ZNF236: variants seen among roughly 807,000 people sequenced by gnomAD.
ZNF236 encodes zinc finger protein 236.
ZNF236 carries 50 observed loss-of-function variants against 191.2 expected under a neutral mutation model. The observed-to-expected ratio is 0.26, with a 90% confidence interval of 0.21 to 0.33. The LOEUF is 0.33. ZNF236 is among the 10% of genes least tolerant of loss of function. ZNF236 has a pLI of 1.00. For missense variants in ZNF236, 1,754 were observed against 2,374.5 expected (o/e 0.74, Z 5.43); for synonymous variants, 907 against 928.8 (o/e 0.98, Z 0.43).
chr18:76,948,972 G>A (rs1226101012), intron 27 of ZNF236, among the ~76,000 whole-genome samples: 1 of 152,188 alleles, frequency 6.6e-6, no homozygotes, highest in Non-Finnish European at 1.5e-5. Flanking sequence ...ATGTTCCAGG[G>A]GCTTATGGGT....
rs9961872 is a variant in ZNF236, at chr18:76,947,538, G to A, written c.4800G>A (p.Ala1600=). 0.026 allele frequency: 42,668 copies of A among 1,613,596 alleles called. 958 individuals are homozygous for A. Among genetic ancestry groups the A allele is most frequent in the African/African-American group, 0.11 (8,543 of 74,908 alleles). Residue 1600 remains alanine (A), a synonymous_variant, in exon 27 of 31, where the codon GCG becomes GCA. Transcript: ENST00000320610. ...NITSQGQQFP[A]LLTDPSLSGQ... ...TTTGCCAGGGTCAGCAGTTCCCAGCGCTCCTCACGGATCCCTCTCTCTCGG... is the reference window on the plus strand; with the variant it reads ...TTTGCCAGGGTCAGCAGTTCCCAGCACTCCTCACGGATCCCTCTCTCTCGG...
chr18:76,929,065 G>C (rs557118567), intron 25 of ZNF236, among the ~76,000 whole-genome samples: 2 of 148,622 alleles, frequency 1.3e-5, no homozygotes, highest in African/African-American at 2.5e-5. Context: ...CAGCATTCTA[G>C]ATGGACTCAA....
At chr18:76,830,062 G>C (rs1320559371) in intron 1 of ZNF236, among the ~76,000 whole-genome samples, 1 of 152,052 alleles carries the variant, frequency 6.6e-6, no homozygotes, top group African/African-American at 2.4e-5. Flanking sequence ...GTAGAGATGG[G>C]GGTTCACCAT....
At chr18:76,902,199 T>C (rs977094635) in intron 11 of ZNF236, among the ~76,000 whole-genome samples, 3 of 152,190 alleles carry the variant, frequency 2.0e-5, no homozygotes, top group African/African-American at 7.2e-5. Flanking sequence ...TTGTAAAATA[T>C]TGTAACTATG....
intron 9 of ZNF236, among the ~76,000 whole-genome samples, chr18:76,884,379 C>T (rs1050675431): frequency 2.0e-5 from 3 of 147,786 alleles, no homozygotes; most frequent in East Asian, 2.0e-4. Context: ...CCAGCCCCGG[C>T]GACAGTGTGA....
At chr18:76,905,464 T>C in intron 13 of ZNF236, 49 bp downstream of exon 13, 1 of 1,584,076 alleles carries the variant, frequency 6.3e-7, no homozygotes, top group Non-Finnish European at 8.6e-7. Flanking sequence ...TAATTTCCAG[T>C]AGATGGTGGG....
intron 16 of ZNF236, 80 bp downstream of exon 16, chr18:76,910,891 T>TC: frequency 2.6e-6 from 4 of 1,524,562 alleles, no homozygotes; most frequent in Non-Finnish European, 3.5e-6. Flanking sequence ...ATTAAAAATT[T>TC]CCTTAAGGGA....
intron 28 of ZNF236, among the ~76,000 whole-genome samples, chr18:76,957,280 C>CAG (rs1968547225): frequency 6.6e-6 from 1 of 152,178 alleles, no homozygotes; most frequent in Non-Finnish European, 1.5e-5. Context: ...TCCCTGTGAC[C>CAG]AGGATGGCTT....
At chr18:76,937,091 C>T (rs1968020144) in intron 25 of ZNF236, 65 bp from the exon 26 acceptor site, 1 of 1,509,108 alleles carries the variant, frequency 6.6e-7, no homozygotes, top group Non-Finnish European at 9.1e-7. Flanking sequence ...ATCGCTCTCC[C>T]TATGCCCTTA....
chr18:76,896,351 C>T (rs1977409248), intron 10 of ZNF236, among the ~76,000 whole-genome samples: 1 of 151,748 alleles, frequency 6.6e-6, no homozygotes, highest in Non-Finnish European at 1.5e-5. Flanking sequence ...GCACACAGTA[C>T]CAAACACAGG....
rs533872954 is a variant in ZNF236 at position 76,840,266 on chromosome 18, G to A, written c.56-9260G>A. The stretch of plus-strand genomic sequence containing the variant: ...TCCCAGCACTTTGGGAGGCCGAGGC[G>A]GATGGATCACCTGAGGTTGGGAGTT... On this transcript the variant is annotated intron_variant, in intron 1 of 30. Coordinates refer to ENST00000320610, the MANE Select transcript of ZNF236 (RefSeq NM_001306089.2). Among the ~76,000 whole-genome samples, 12 of 152,302 alleles carry A rather than the reference G, an allele frequency of 7.9e-5. No individual in the cohort carries two copies. In the East Asian group the frequency reaches 2.1e-3, roughly 27 times the overall value.
In ZNF236 at chr18:76,949,535, A is replaced by G. The variant is rs188050096; in HGVS notation, c.4914+1883A>G. 9.5e-4 allele frequency among the ~76,000 whole-genome samples: 144 copies of G among 152,316 alleles called. 1 individual carries two copies. Among genetic ancestry groups the G allele is most frequent in the African/African-American group, 3.1e-3 (128 of 41,576 alleles). ...AGAGATAACATGCATTCAGTTCTAG[A>G]GCACTGCAATAAAGCGATTATCACA... On this transcript the variant is annotated intron_variant, in intron 27 of 30. Coordinates refer to ENST00000320610, the MANE Select transcript of ZNF236 (RefSeq NM_001306089.2).
At chr18:76,864,196 C>CTT (rs1202084465) in intron 3 of ZNF236, among the ~76,000 whole-genome samples, 2,252 of 132,138 alleles carry the variant, frequency 0.017, 71 homozygotes, top group African/African-American at 0.057. Flanking sequence ...CAACAAATAT[C>CTT]TTTTTTTTTT....
At chr18:76,902,783 G>T (rs140824716) in intron 11 of ZNF236, among the ~76,000 whole-genome samples, 1,915 of 147,838 alleles carry the variant, frequency 0.013, 30 homozygotes, top group Non-Finnish European at 0.016. Context: ...TAGAGACGGG[G>T]TTTCTGCATG....
At chr18:76,917,261 A>G (rs1967393878) in intron 19 of ZNF236, among the ~76,000 whole-genome samples, 1 of 152,192 alleles carries the variant, frequency 6.6e-6, no homozygotes, top group Non-Finnish European at 1.5e-5. Context: ...TTTCCTTCAA[A>G]TGAGTTAAAG....
intron 1 of ZNF236, among the ~76,000 whole-genome samples, chr18:76,845,141 A>C (rs185198085): frequency 1.3e-5 from 2 of 152,366 alleles, no homozygotes; most frequent in African/African-American, 4.8e-5. Context: ...GTCTCTACTT[A>C]AGGCAAACAA....
At chr18:76,825,239 C>T (rs954287414) in intron 1 of ZNF236, among the ~76,000 whole-genome samples, 1 of 152,220 alleles carries the variant, frequency 6.6e-6, no homozygotes, top group Non-Finnish European at 1.5e-5. Context: ...TAAAAGTTAC[C>T]TTTCCCTTCT....
chr18:76,937,525 A>G (rs1846843277), intron 26 of ZNF236, among the ~76,000 whole-genome samples, 182 bp downstream of exon 26: 1 of 152,208 alleles, frequency 6.6e-6, no homozygotes, highest in Admixed American at 6.5e-5. Flanking sequence ...GATAATGTAG[A>G]AGAACATAAA....
At chr18:76,932,448 G>A (rs796152154) in intron 25 of ZNF236, among the ~76,000 whole-genome samples, 18 of 152,328 alleles carry the variant, frequency 1.2e-4, no homozygotes, top group African/African-American at 4.3e-4. Flanking sequence ...GTTTTTAAAG[G>A]ATCAGGCAGT....
Sources: gnomAD v4.1 joint callset for allele counts (sites outside exome capture counted in the v4.1 genomes callset) on GRCh38, gnomAD v4.1.1 for gene constraint, MANE v1.5 for transcripts, NCBI Gene and HGNC (gene_info 2026-07-23, HGNC 2026-07-21) for gene names.